RPGRIP1L: variants seen among roughly 807,000 people sequenced by gnomAD.
The protein encoded by RPGRIP1L is RPGRIP1 like, also known as protein fantom.
A neutral mutation model predicts 160.4 loss-of-function variants in RPGRIP1L; 131 were observed. The ratio of observed to expected loss-of-function variants is 0.82; its 90% CI spans 0.71 to 0.94. The LOEUF is 0.94. RPGRIP1L is among the 40% of genes least tolerant of loss of function. The probability of loss-of-function intolerance (pLI) is 0.00; values close to 1 mark genes in which losing one functional copy is unlikely to be tolerated. For missense variants in RPGRIP1L, 1,522 were observed against 1,535.8 expected (o/e 0.99, Z 0.15); for synonymous variants, 510 against 515.8 (o/e 0.99, Z 0.15).
intron 25 of RPGRIP1L, among the ~76,000 whole-genome samples, chr16:53,610,314 AT>A (rs1963947151): frequency 1.3e-5 from 2 of 152,216 alleles, no homozygotes; most frequent in Admixed American, 6.5e-5. Context: ...TAGAAAAAAA[AT>A]GCCTTCAAAA....
intron 14 of RPGRIP1L, 63 bp from the exon 15 acceptor site, chr16:53,653,050 C>T (rs773472862): frequency 1.3e-5 from 18 of 1,384,384 alleles, no homozygotes; most frequent in Non-Finnish European, 1.8e-5. Flanking sequence ...TGAAAACTGG[C>T]TTTTGAAGTG....
intron 3 of RPGRIP1L, chr16:53,695,392 AG>A: frequency 1.4e-6 from 1 of 703,014 alleles, no homozygotes. Context: ...CCACCTCCTT[AG>A]GATGGATTCT....
rs1598344989 is a variant in RPGRIP1L, at chr16:53,658,590, A to G, written c.1351-126T>C. On this transcript the variant is annotated intron_variant, in intron 11 of 26. Transcript: ENST00000647211. ...TGCCATGAACTAACAAACTAAGTCT[A>G]CAAGACATTCCAGTGCTTCAAAATG... 3.3e-6 allele frequency: 3 copies of G among 901,064 alleles called. No homozygotes were observed. In the East Asian group the frequency reaches 7.8e-5, roughly 23 times the overall value. The allele number at this position is 901,064 out of a possible 1,614,324, so 55.8% of individuals were successfully genotyped here.
intron 2 of RPGRIP1L, among the ~76,000 whole-genome samples, chr16:53,699,933 A>T (rs903611661): frequency 2.0e-5 from 3 of 152,250 alleles, no homozygotes; most frequent in African/African-American, 7.2e-5. Context: ...TTCTGATTGA[A>T]AAGTGTATGT....
rs192080223 is a variant in RPGRIP1L, at chr16:53,627,276, T to G, written c.3295-4920A>C. Reference sequence around the variant, plus strand: ...ATAAAGGTCTTGCAACTTGTTTCAGTCAGTTACATTTAAATCTAATTATGG... The same window carrying G: ...ATAAAGGTCTTGCAACTTGTTTCAGGCAGTTACATTTAAATCTAATTATGG... On this transcript the variant is annotated intron_variant, in intron 22 of 26. Transcript: ENST00000647211. Among the ~76,000 whole-genome samples the G allele has an allele frequency of 3.5e-4, 53 of 152,330 alleles. 1 individual carries two copies. The East Asian group carries it at 7.7e-3, about 22-fold the overall frequency.
intron 26 of RPGRIP1L, among the ~76,000 whole-genome samples, chr16:53,604,975 C>G (rs1465850083): frequency 1.3e-5 from 2 of 152,026 alleles, no homozygotes; most frequent in East Asian, 1.9e-4. Context: ...CCCAGGAGTT[C>G]GAGACCAGCC....
At chr16:53,683,050 T>G (rs779575696) in intron 6 of RPGRIP1L, among the ~76,000 whole-genome samples, 3 of 152,182 alleles carry the variant, frequency 2.0e-5, no homozygotes, top group Non-Finnish European at 2.9e-5. Context: ...GATAAATCTA[T>G]GAAATATAAA....
chr16:53,606,417 C>T (rs1246649874), intron 25 of RPGRIP1L, among the ~76,000 whole-genome samples: 1 of 152,142 alleles, frequency 6.6e-6, no homozygotes, highest in Non-Finnish European at 1.5e-5. Flanking sequence ...ATGTATCCAT[C>T]CCAAATCAGA....
intron 7 of RPGRIP1L, 27 bp downstream of exon 7, chr16:53,674,990 T>G (rs762213686): frequency 6.9e-7 from 1 of 1,450,454 alleles, no homozygotes; most frequent in Non-Finnish European, 9.6e-7. Context: ...CTCTGTAACA[T>G]TGTAATAAAA....
At chr16:53,642,193 T>A (rs1259017180) in intron 17 of RPGRIP1L, among the ~76,000 whole-genome samples, 1 of 151,976 alleles carries the variant, frequency 6.6e-6, no homozygotes, top group Non-Finnish European at 1.5e-5. Flanking sequence ...TTTATTTTTT[T>A]TTTTAAATAG....
At chr16:53,677,340 T>G (rs1969261542) in intron 6 of RPGRIP1L, among the ~76,000 whole-genome samples, 1 of 152,208 alleles carries the variant, frequency 6.6e-6, no homozygotes, top group East Asian at 1.9e-4. Context: ...AAAGTCAGTT[T>G]GCTGCAGAGT....
chr16:53,702,043 T>C (rs112697675), intron 1 of RPGRIP1L, among the ~76,000 whole-genome samples: 3,099 of 152,284 alleles, frequency 0.02, 41 homozygotes, highest in Non-Finnish European at 0.033. Context: ...TAGTTTTCCA[T>C]GACAGAGTTA....
intron 6 of RPGRIP1L, among the ~76,000 whole-genome samples, chr16:53,685,729 G>C (rs1969959651): frequency 6.6e-6 from 1 of 151,820 alleles, no homozygotes; most frequent in Non-Finnish European, 1.5e-5. Context: ...TGGGAGGAGG[G>C]AAAGCATCAG....
At chr16:53,701,296 G>A (rs981924112) in intron 1 of RPGRIP1L, among the ~76,000 whole-genome samples, 1 of 151,970 alleles carries the variant, frequency 6.6e-6, no homozygotes, top group Non-Finnish European at 1.5e-5. Context: ...CATTTTGTGA[G>A]TTTTGTGAAA....
intron 5 of RPGRIP1L, among the ~76,000 whole-genome samples, chr16:53,687,444 T>A (rs890307305): frequency 1.3e-5 from 2 of 152,154 alleles, no homozygotes; most frequent in Admixed American, 6.6e-5. Context: ...GAAATCCATA[T>A]GTATCTGATA....
chr16:53,626,109 C>T (rs1598265885), intron 22 of RPGRIP1L, among the ~76,000 whole-genome samples: 1 of 146,714 alleles, frequency 6.8e-6, no homozygotes, highest in African/African-American at 2.6e-5. Context: ...TCAAATCCCC[C>T]TCTCCGAGAA....
intron 13 of RPGRIP1L, 106 bp from the exon 14 acceptor site, chr16:53,656,695 G>A (rs970291085): frequency 4.7e-6 from 4 of 846,138 alleles, no homozygotes; most frequent in Non-Finnish European, 6.0e-6. Flanking sequence ...AATAGTAGGA[G>A]CTATGAACCA....
intron 15 of RPGRIP1L, among the ~76,000 whole-genome samples, chr16:53,652,246 T>C (rs901979614): frequency 7.2e-5 from 11 of 152,170 alleles, no homozygotes; most frequent in Non-Finnish European, 2.9e-5. Context: ...CTAATTTTTG[T>C]ATTTTTACTA....
chr16:53,625,352 G>A (rs1232200663), intron 22 of RPGRIP1L, among the ~76,000 whole-genome samples: 4 of 150,396 alleles, frequency 2.7e-5, no homozygotes, highest in Admixed American at 2.6e-4. Flanking sequence ...GGGTGGTGGG[G>A]AGCGCCTCCG....
Sources: allele counts gnomAD v4.1 joint callset (sites outside exome capture counted in the v4.1 genomes callset), GRCh38; gene constraint gnomAD v4.1.1; transcripts MANE v1.5; gene names NCBI Gene and HGNC (gene_info 2026-07-23, HGNC 2026-07-21).